The following CAMTA1 variants were observed in gnomAD, a reference collection of about 807,000 sequenced individuals.
CAMTA1 encodes the protein calmodulin binding transcription activator 1.
In CAMTA1, 27 loss-of-function variants were observed where a neutral mutation model predicts 170.9. The observed-to-expected ratio is 0.16, with a 90% CI of 0.12 to 0.22. The LOEUF (loss-of-function observed/expected upper bound fraction) is 0.22, where lower values mean the gene tolerates loss of function less well. CAMTA1 is among the 10% of genes least tolerant of loss of function. CAMTA1 has a pLI of 1.00. For missense variants in CAMTA1, 1,619 were observed against 2,217.2 expected, an observed-to-expected ratio of 0.73 and a Z score of 5.42; for synonymous variants, 833 against 891.5, an observed-to-expected ratio of 0.93 and a Z score of 1.17.
chr1:6,935,321 C>T (rs1685119746), intron 3 of CAMTA1, among the ~76,000 whole-genome samples: 1 of 152,072 alleles, frequency 6.6e-6, no homozygotes, highest in South Asian at 2.1e-4. Flanking sequence ...GGAGATTTCA[C>T]GTTAAAATGT....
chr1:6,810,479 C>G (rs1645031785), intron 1 of CAMTA1, among the ~76,000 whole-genome samples: 3 of 152,168 alleles, frequency 2.0e-5, no homozygotes, highest in Admixed American at 2.0e-4. Flanking sequence ...CTTGCTAGGT[C>G]CAGCCCACAC....
At chr1:7,397,679 G>A (rs945884002) in intron 5 of CAMTA1, among the ~76,000 whole-genome samples, 4 of 151,968 alleles carry the variant, frequency 2.6e-5, no homozygotes, top group African/African-American at 9.7e-5. Flanking sequence ...GTATTCCATA[G>A]GTTGTGGTAT....
In CAMTA1 at chr1:7,682,730, A is replaced by G. The variant is rs1044662020; in HGVS notation, c.2914+4997A>G. ...AGGCCTCTGGGTGCTTCTTCCTCCA[A>G]TGGCAACACTCCAGGGCTTTCTGCT... On this transcript the variant is annotated intron_variant, in intron 11 of 22. Coordinates refer to ENST00000303635, the MANE Select transcript of CAMTA1 (RefSeq NM_015215.4). The surrounding 1 kb of genome is among the most constrained non-coding windows in gnomAD (Gnocchi z 5.0). Among the ~76,000 whole-genome samples the G allele has an allele frequency of 3.3e-5, 5 of 152,146 alleles. No homozygotes were observed. Among genetic ancestry groups the G allele is most frequent in the Admixed American group, 2.0e-4 (3 of 15,280 alleles).
intron 6 of CAMTA1, among the ~76,000 whole-genome samples, chr1:7,483,668 C>T (rs1056355877): frequency 6.6e-6 from 1 of 152,196 alleles, no homozygotes; most frequent in African/African-American, 2.4e-5. Flanking sequence ...TCTTGCTGAC[C>T]CCAGGACAGG....
chr1:7,514,852 T>C (rs565830264), intron 6 of CAMTA1, among the ~76,000 whole-genome samples: 71 of 152,278 alleles, frequency 4.7e-4, no homozygotes, highest in African/African-American at 1.6e-3. Context: ...ACCCCATTAT[T>C]CGCTGCAGAG....
At chr1:7,208,164 G>C (rs1658106867) in intron 4 of CAMTA1, among the ~76,000 whole-genome samples, 1 of 152,242 alleles carries the variant, frequency 6.6e-6, no homozygotes, top group Non-Finnish European at 1.5e-5. Flanking sequence ...AAGCCAGCTG[G>C]CTTGTGCAGA....
chr1:7,243,851 C>T (rs1240754439), intron 4 of CAMTA1, among the ~76,000 whole-genome samples: 2 of 152,104 alleles, frequency 1.3e-5, no homozygotes, highest in East Asian at 3.8e-4. Flanking sequence ...ATGTCTAAAA[C>T]ACCAAAAGCA....
At chr1:7,019,926 C>T (rs991946725) in intron 3 of CAMTA1, among the ~76,000 whole-genome samples, 4 of 152,216 alleles carry the variant, frequency 2.6e-5, no homozygotes, top group Non-Finnish European at 5.9e-5. Context: ...CTCCTCTTTC[C>T]CATGTGTGGT....
At chr1:7,053,203 C>G (rs1366490331) in intron 3 of CAMTA1, among the ~76,000 whole-genome samples, 1 of 152,230 alleles carries the variant, frequency 6.6e-6, no homozygotes, top group Non-Finnish European at 1.5e-5. Flanking sequence ...TCCCTTCCCT[C>G]TCCTGCGGTG....
At position 7,238,038 on chromosome 1, in the gene CAMTA1, T is replaced by C. The variant is rs141559593; in HGVS notation, c.303-11453T>C. Among the ~76,000 whole-genome samples, 758 of 152,340 alleles carry C rather than the reference T, an allele frequency of 5.0e-3. 15 individuals are homozygous for C. Among genetic ancestry groups the C allele is most frequent in the Admixed American group, 0.039 (592 of 15,304 alleles). The stretch of plus-strand genomic sequence containing the variant: ...CTAGATCTCACTCCAAATCTCATAA[T>C]CTTCTTTTAAAAAACATACTATTAT... On this transcript the variant is annotated intron_variant, in intron 4 of 22. Transcript: ENST00000303635.
In CAMTA1 at chr1:7,463,951, C is replaced by T. The variant is rs1422746262; in HGVS notation, c.439-3879C>T. Among the ~76,000 whole-genome samples the T allele has an allele frequency of 6.6e-6, 1 of 152,122 alleles. No individual in the cohort carries two copies. Among genetic ancestry groups the T allele is most frequent in the Non-Finnish European group, 1.5e-5 (1 of 68,028 alleles). The stretch of plus-strand genomic sequence containing the variant: ...GAGCTCTTGTTTGCTGTTGGTTTCC[C>T]CTGTAATTTCATCTTTACTTTTTTA... On this transcript the variant is annotated intron_variant, in intron 5 of 22. Coordinates refer to ENST00000303635, the MANE Select transcript of CAMTA1 (RefSeq NM_015215.4). This position sits in a 1 kb window ranked among gnomAD's most constrained non-coding sequence, Gnocchi z 4.7.
chr1:7,258,658 C>A (rs1390551896), intron 5 of CAMTA1, among the ~76,000 whole-genome samples: 1 of 152,216 alleles, frequency 6.6e-6, no homozygotes, highest in Non-Finnish European at 1.5e-5. Flanking sequence ...AGTGACCAGA[C>A]ATGGTTATTT....
At chr1:7,005,816 C>CTT in intron 3 of CAMTA1, among the ~76,000 whole-genome samples, 1 of 152,352 alleles carries the variant, frequency 6.6e-6, no homozygotes, top group South Asian at 2.1e-4. Flanking sequence ...ACTTTGAGTC[C>CTT]TGTGTACTTG....
At chr1:6,799,389 G>T (rs140052041) in intron 1 of CAMTA1, among the ~76,000 whole-genome samples, 5 of 152,228 alleles carry the variant, frequency 3.3e-5, no homozygotes, top group African/African-American at 7.2e-5. Flanking sequence ...CACTAGCTGG[G>T]AATGCTGGTG....
intron 11 of CAMTA1, among the ~76,000 whole-genome samples, chr1:7,721,440 G>A (rs1273699156): frequency 2.0e-5 from 3 of 152,174 alleles, no homozygotes; most frequent in African/African-American, 4.8e-5. Context: ...TAGATGTCCA[G>A]TAGCTGCTAT....
Position 7,402,058 on chromosome 1 carries a change from G to A in CAMTA1, c.439-65772G>A, listed in dbSNP as rs190804555. Among the ~76,000 whole-genome samples the A allele has an allele frequency of 1.3e-3, 201 of 152,302 alleles. 1 individual carries two copies. The highest frequency in any genetic ancestry group is 4.6e-3 in the African/African-American group (191 of 41,552). On this transcript the variant is annotated intron_variant, in intron 5 of 22. Transcript: ENST00000303635. ...TTGCTCTCTTATTGCTCCCAGGAATGTTAAAGATGAGTGACTAAGGCAGCA... is the reference window on the plus strand; with the variant it reads ...TTGCTCTCTTATTGCTCCCAGGAATATTAAAGATGAGTGACTAAGGCAGCA...
chr1:7,270,291 A>ATATTTTTTTT (rs1336977888), intron 5 of CAMTA1, among the ~76,000 whole-genome samples: 2 of 110,570 alleles, frequency 1.8e-5, no homozygotes, highest in African/African-American at 6.7e-5. Flanking sequence ...ATATATATAT[A>ATATTTTTTTT]TTTTTTTTTT....
chr1:6,805,556 A>G (rs1017916092), intron 1 of CAMTA1, among the ~76,000 whole-genome samples: 3 of 152,002 alleles, frequency 2.0e-5, no homozygotes, highest in Non-Finnish European at 4.4e-5. Context: ...CCCAGGCAGG[A>G]GTGTAGTGAT....
At chr1:7,757,933 C>T (rs1481306762) in intron 22 of CAMTA1, among the ~76,000 whole-genome samples, 1 of 151,998 alleles carries the variant, frequency 6.6e-6, no homozygotes, top group East Asian at 1.9e-4. Flanking sequence ...ATTTCAGGTC[C>T]CTTGTGATAG....
Sources: gnomAD v4.1 joint callset for allele counts (sites outside exome capture counted in the v4.1 genomes callset) on GRCh38, gnomAD v4.1.1 for gene constraint, Gnocchi (gnomAD v3.1) non-coding constraint, MANE v1.5 for transcripts, NCBI Gene and HGNC (gene_info 2026-07-23, HGNC 2026-07-21) for gene names.